The following CTNNBIP1 variants were observed in gnomAD, a reference collection of about 807,000 sequenced individuals.
The protein encoded by CTNNBIP1 is catenin beta interacting protein 1.
Under a neutral mutation model 11.8 loss-of-function variants are expected in CTNNBIP1, and 7 were observed. The ratio of observed to expected loss-of-function variants is 0.60; its 90% CI spans 0.34 to 1.12. The LOEUF is 1.12. CTNNBIP1 is among the 50% of genes most tolerant of loss of function. The probability of loss-of-function intolerance (pLI) is 0.03; values close to 1 mark genes in which losing one functional copy is unlikely to be tolerated. For missense variants in CTNNBIP1, 101 were observed against 113.4 expected, an observed-to-expected ratio of 0.89 and a Z score of 0.50; for synonymous variants, 58 against 43.9, an observed-to-expected ratio of 1.32 and a Z score of -1.26.
At chr1:9,875,629 G>A (rs923502073) in intron 3 of CTNNBIP1, among the ~76,000 whole-genome samples, 88 of 152,370 alleles carry the variant, frequency 5.8e-4, no homozygotes, top group Middle Eastern at 3.4e-3. Context: ...CCCTGCAAGA[G>A]ACAGTTCTTC....
Position 9,863,619 on chromosome 1 carries a change from G to A in CTNNBIP1, c.187+7568C>T, listed in dbSNP as rs529621913. Among the ~76,000 whole-genome samples the A allele has an allele frequency of 1.7e-3, 264 of 152,354 alleles. 2 individuals carry two copies. The highest frequency in any genetic ancestry group is 2.5e-3 in the Non-Finnish European group (172 of 68,040). On this transcript the variant is annotated intron_variant, in intron 5 of 5. Coordinates refer to ENST00000377263, the MANE Select transcript of CTNNBIP1 (RefSeq NM_020248.3). ...CAGACACCTACACTGCACCAGAGGC[G>A]GGATGGGGGACTCATGTGTGATGGT...
chr1:9,857,567 G>A (rs1437884464), intron 5 of CTNNBIP1, among the ~76,000 whole-genome samples: 2 of 151,636 alleles, frequency 1.3e-5, no homozygotes, highest in African/African-American at 2.4e-5. Context: ...TTGGGAGGCC[G>A]AGGCGGGCAG....
rs528043831 is a variant in CTNNBIP1, at chr1:9,888,324, G to A, written c.-143-4586C>T. On this transcript the variant is annotated intron_variant, in intron 1 of 5. Coordinates refer to ENST00000377263, the MANE Select transcript of CTNNBIP1 (RefSeq NM_020248.3). ...TGGCCGGGCGCGGTGGCTCATGCCTGTAATCCCAGCACTTTGGGAGGCTGA... is the reference window on the plus strand; with the variant it reads ...TGGCCGGGCGCGGTGGCTCATGCCTATAATCCCAGCACTTTGGGAGGCTGA... 3.7e-3 allele frequency among the ~76,000 whole-genome samples: 555 copies of A among 151,880 alleles called. 2 individuals carry two copies. Among genetic ancestry groups the A allele is most frequent in the South Asian group, 0.016 (79 of 4,790 alleles).
intron 1 of CTNNBIP1, among the ~76,000 whole-genome samples, chr1:9,902,919 C>T (rs1360390536): frequency 6.6e-6 from 1 of 152,194 alleles, no homozygotes; most frequent in Non-Finnish European, 1.5e-5. Flanking sequence ...GTGCGTACCA[C>T]CACGCCAGGC....
At position 9,867,907 on chromosome 1, in the gene CTNNBIP1, C is replaced by T. The variant is rs1309414588; in HGVS notation, c.187+3280G>A. Among the ~76,000 whole-genome samples, 1 of 152,338 alleles carries T rather than the reference C, an allele frequency of 6.6e-6. No individual in the cohort carries two copies. Among genetic ancestry groups the T allele is most frequent in the South Asian group, 2.1e-4 (1 of 4,834 alleles). On this transcript the variant is annotated intron_variant, in intron 5 of 5. Coordinates refer to ENST00000377263, the MANE Select transcript of CTNNBIP1 (RefSeq NM_020248.3). This position sits in a 1 kb window ranked among gnomAD's most constrained non-coding sequence, Gnocchi z 4.6. ...ATTTTAACAGAGATCCATTTGCCCACATGGCACAGGCAGATGCAGGGTCCT... is the reference window on the plus strand; with the variant it reads ...ATTTTAACAGAGATCCATTTGCCCATATGGCACAGGCAGATGCAGGGTCCT...
chr1:9,881,367 TTCTC>T (rs1267335143), intron 2 of CTNNBIP1, among the ~76,000 whole-genome samples: 5 of 144,698 alleles, frequency 3.5e-5, no homozygotes, highest in African/African-American at 1.3e-4. Context: ...AGAATGGAGT[TTCTC>T]TCTTATTGCC....
At chr1:9,888,294 C>G (rs1639227038) in intron 1 of CTNNBIP1, among the ~76,000 whole-genome samples, 1 of 150,732 alleles carries the variant, frequency 6.6e-6, no homozygotes, top group Non-Finnish European at 1.5e-5. Context: ...AAAAGCTGGG[C>G]ATGGTGGCCG....
intron 1 of CTNNBIP1, among the ~76,000 whole-genome samples, chr1:9,901,695 G>A (rs1254940541): frequency 3.3e-5 from 5 of 152,162 alleles, no homozygotes; most frequent in Admixed American, 6.5e-5. Context: ...CTGAAACAGC[G>A]TCACTGCGGG....
At chr1:9,864,579 T>C (rs189919510) in intron 5 of CTNNBIP1, among the ~76,000 whole-genome samples, 91 of 152,242 alleles carry the variant, frequency 6.0e-4, no homozygotes, top group Non-Finnish European at 1.1e-3. Context: ...CCGCCCACCT[T>C]GGCCTCCGAA....
intron 3 of CTNNBIP1, among the ~76,000 whole-genome samples, chr1:9,874,474 A>G (rs903430682): frequency 6.6e-6 from 1 of 152,178 alleles, no homozygotes; most frequent in African/African-American, 2.4e-5. Context: ...GGTTGGTCTC[A>G]AATTCCTGGT....
At chr1:9,889,386 C>G (rs945377087) in intron 1 of CTNNBIP1, among the ~76,000 whole-genome samples, 4 of 152,306 alleles carry the variant, frequency 2.6e-5, no homozygotes, top group Non-Finnish European at 5.9e-5. Context: ...TGCCCACCAC[C>G]AATAATTATC....
chr1:9,876,706 A>C (rs988590560), intron 3 of CTNNBIP1, among the ~76,000 whole-genome samples: 3 of 152,254 alleles, frequency 2.0e-5, no homozygotes, highest in Non-Finnish European at 2.9e-5. Context: ...ATGGTTATTT[A>C]TTATGTAGTA....
intron 1 of CTNNBIP1, among the ~76,000 whole-genome samples, chr1:9,906,008 A>G (rs1570604847): frequency 6.6e-6 from 1 of 152,222 alleles, no homozygotes; most frequent in East Asian, 1.9e-4. Context: ...GGAGCTAAGA[A>G]GCAGATAAAA....
Position 9,850,042 on chromosome 1 carries a change from G to C in CTNNBIP1, c.*676C>G, listed in dbSNP as rs146324966. 5.8e-3 allele frequency: 884 copies of C among 152,824 alleles called. 4 individuals are homozygous for C. Among genetic ancestry groups the C allele is most frequent in the Non-Finnish European group, 9.0e-3 (616 of 68,120 alleles). The allele number at this position is 152,824 out of a possible 1,614,324, so 9.5% of individuals were successfully genotyped here. A position where few individuals can be genotyped will look rare whatever the true frequency, so the allele number is the denominator to read the frequency against. On this transcript the variant is annotated 3_prime_UTR_variant, in exon 6 of 6. Coordinates refer to ENST00000377263, the MANE Select transcript of CTNNBIP1 (RefSeq NM_020248.3). ...GGGGGGTGAATCCATGGCAACAGGA[G>C]TCACAGGTGAACCAATGGGAAACCA...
chr1:9,876,522 C>CA (rs759798466), intron 3 of CTNNBIP1, among the ~76,000 whole-genome samples: 1 of 152,174 alleles, frequency 6.6e-6, no homozygotes, highest in Non-Finnish European at 1.5e-5. Context: ...GAGACCGAGG[C>CA]AGGAGAATCG....
At chr1:9,901,351 T>C (rs1416547828) in intron 1 of CTNNBIP1, among the ~76,000 whole-genome samples, 1 of 152,162 alleles carries the variant, frequency 6.6e-6, no homozygotes, top group Non-Finnish European at 1.5e-5. Flanking sequence ...CCTTGGAAAC[T>C]GGTCCAAGGT....
chr1:9,870,328 A>G (rs964539049), intron 5 of CTNNBIP1, among the ~76,000 whole-genome samples: 1 of 152,248 alleles, frequency 6.6e-6, no homozygotes, highest in Non-Finnish European at 1.5e-5. Context: ...GCTGGTCAGA[A>G]TACTAGGCCT....
At chr1:9,876,157 C>A (rs927967192) in intron 3 of CTNNBIP1, among the ~76,000 whole-genome samples, 7 of 152,210 alleles carry the variant, frequency 4.6e-5, no homozygotes, top group African/African-American at 9.7e-5. Flanking sequence ...AATTATTCAT[C>A]CAGTCCTTGA....
Position 9,883,937 on chromosome 1 carries a change from G to A in CTNNBIP1, c.-143-199C>T, listed in dbSNP as rs1639133162. Among the ~76,000 whole-genome samples the A allele has an allele frequency of 6.6e-6, 1 of 152,216 alleles. No homozygotes were observed. The highest frequency in any genetic ancestry group is 1.5e-5 in the Non-Finnish European group (1 of 68,034). ...CACCCAAACAGTCAAGGAGGAAGAA[G>A]GTGGGGGAACGGGAGTCTGAAGATG... On this transcript the variant is annotated intron_variant, in intron 1 of 5. Transcript: ENST00000377263. This position sits in a 1 kb window ranked among gnomAD's most constrained non-coding sequence, Gnocchi z 5.6.
Sources: allele counts gnomAD v4.1 joint callset (sites outside exome capture counted in the v4.1 genomes callset), GRCh38; gene constraint gnomAD v4.1.1; non-coding constraint Gnocchi (gnomAD v3.1); transcripts MANE v1.5; gene names NCBI Gene and HGNC (gene_info 2026-07-23, HGNC 2026-07-21).